LRRK1: variants seen among roughly 807,000 people sequenced by gnomAD.
LRRK1 encodes the protein leucine-rich repeat serine/threonine-protein kinase 1.
A neutral mutation model predicts 209.1 loss-of-function variants in LRRK1; 113 were observed. The ratio of observed to expected loss-of-function variants is 0.54; its 90% CI spans 0.46 to 0.63. The LOEUF (loss-of-function observed/expected upper bound fraction) is 0.63. Ranked by LOEUF, LRRK1 falls within the 30% of genes least tolerant of loss-of-function variation. The pLI is 0.00. For missense variants in LRRK1, 2,284 were observed against 2,632.2 expected (o/e 0.87, Z 2.89); for synonymous variants, 1,144 against 1,099.7 (o/e 1.04, Z -0.80).
At position 100,951,955 on chromosome 15, in the gene LRRK1, G is replaced by GAAA. The variant is rs550237148; in HGVS notation, c.98-21840_98-21838dup. On this transcript the variant is annotated intron_variant, in intron 2 of 33. Transcript: ENST00000388948. ...GCAACAAGAGCGAAACTCCATCTCA[G>GAAA]AAAAAAAAAAATAATAATAATAATA... 9.6e-3 allele frequency among the ~76,000 whole-genome samples: 1,300 copies of GAAA among 135,132 alleles called. 15 individuals are homozygous for GAAA. Among genetic ancestry groups the GAAA allele is most frequent in the South Asian group, 0.02 (87 of 4,274 alleles). 88.7% of individuals were successfully genotyped at this position (135,132 alleles called of 152,430 possible). A position where few individuals can be genotyped will look rare whatever the true frequency, so the allele number is the denominator to read the frequency against.
rs776094214 is a variant in LRRK1, at chr15:100,924,670, G to T, written c.38G>T (p.Trp13Leu). 11 of 1,614,172 alleles carry T rather than the reference G, an allele frequency of 6.8e-6. No individual in the cohort carries two copies. Among genetic ancestry groups the T allele is most frequent in the South Asian group, 2.2e-5 (2 of 91,076 alleles). Reference protein sequence around the residue: ...GMSQRPPSMYWCVGPEESAVC... With the variant: ...GMSQRPPSMYLCVGPEESAVC... ...TCGCAAAGACCCCCCAGCATGTACTGGTGTGTGGGGCCGGAGGAGTCAGCT... is the reference window on the plus strand; with the variant it reads ...TCGCAAAGACCCCCCAGCATGTACTTGTGTGTGGGGCCGGAGGAGTCAGCT... Residue 13 changes from tryptophan (W) to leucine (L), a missense_variant, in exon 2 of 34, where the codon TGG becomes TTG. Trp to Leu is a moderately conservative substitution (Grantham distance 61). Around this residue, in one of 6 missense-constraint regions of LRRK1, gnomAD observed 174 missense variants for 133.5 expected, o/e 1.30. Coordinates refer to ENST00000388948, the MANE Select transcript of LRRK1 (RefSeq NM_024652.6).
At position 101,065,871 on chromosome 15, in the gene LRRK1, T is replaced by C. The variant is rs768906258; in HGVS notation, c.5434T>C (p.Ser1812Pro). 4 of 1,614,114 alleles carry C rather than the reference T, an allele frequency of 2.5e-6. No individual in the cohort carries two copies. The Admixed American group carries it at 6.7e-5, about 27-fold the overall frequency. ...CAACCCAAAGGTGCCTGAGGGGGAC[T>C]CCATCGCGGACGTGAGCATCATGTA... Reference protein sequence around the residue: ...TANPKVPEGDSIADVSIMYSE... With the variant: ...TANPKVPEGDPIADVSIMYSE... The change falls in exon 32 of 34, where the codon TCC (serine) becomes CCC (proline). Residue 1812 changes from serine to proline, a missense_variant. This residue lies in a region of LRRK1 where 643 missense variants were observed against 695.9 expected (regional missense o/e 0.92). Transcript: ENST00000388948.
intron 2 of LRRK1, among the ~76,000 whole-genome samples, chr15:100,944,301 C>G (rs1249260676): frequency 3.3e-5 from 5 of 152,182 alleles, no homozygotes; most frequent in African/African-American, 1.2e-4. Context: ...ACAACCACAG[C>G]GCAGCATTGA....
At chr15:101,034,327 G>C (rs1201986453) in intron 20 of LRRK1, among the ~76,000 whole-genome samples, 4 of 152,080 alleles carry the variant, frequency 2.6e-5, no homozygotes, top group African/African-American at 9.7e-5. Context: ...TAAAACCTTT[G>C]CCTAGACCAA....
intron 2 of LRRK1, among the ~76,000 whole-genome samples, chr15:100,941,279 CGTGTGTGTGTCTGTGTGTGTCTAT>C (rs1206466029): frequency 7.2e-5 from 2 of 27,860 alleles, no homozygotes; most frequent in Non-Finnish European, 1.5e-4. Flanking sequence ...TGTGTGTGTC[CGTGTGTGTGTCTGTGTGTGTCTAT>C]GTGTGTGTGT....
Position 100,919,603 on chromosome 15 carries a change from C to G in LRRK1, c.-123+152C>G, listed in dbSNP as rs1007519002. ...CTCCGGGCGGCCGCGTGGTCGGGCACGGGGGGCCGTTGCGCAGGGGCCGCG... is the reference window on the plus strand; with the variant it reads ...CTCCGGGCGGCCGCGTGGTCGGGCAGGGGGGGCCGTTGCGCAGGGGCCGCG... On this transcript the variant is annotated intron_variant, in intron 1 of 33. Coordinates refer to ENST00000388948, the MANE Select transcript of LRRK1 (RefSeq NM_024652.6). This position sits in a 1 kb window ranked among gnomAD's most constrained non-coding sequence, Gnocchi z 5.8. Among the ~76,000 whole-genome samples the G allele has an allele frequency of 6.7e-5, 10 of 148,766 alleles. No individual in the cohort carries two copies. Among genetic ancestry groups the G allele is most frequent in the East Asian group, 6.0e-4 (3 of 4,976 alleles).
rs757510968 is a variant in LRRK1 at position 101,010,717 on chromosome 15, A to T, written c.1161A>T (p.Ile387=). The T allele has an allele frequency of 3.1e-6, 5 of 1,612,210 alleles. No homozygotes were observed. In the South Asian group the frequency reaches 5.5e-5, roughly 18 times the overall value. Residue 387 remains isoleucine (I), a synonymous_variant, in exon 9 of 34, where the codon ATA becomes ATT. Transcript: ENST00000388948. ...TACGGAAGCTACAGGAACTTGATAT[A>T]TCTGACAATAAATTGACAGAACTCC... The part of the protein sequence containing the change: ...IGLRKLQELD[I]SDNKLTELPA...
In LRRK1 at chr15:100,934,279, C is replaced by G. The variant is rs190149777; in HGVS notation, c.97+9550C>G. ...AATGCTGGCAGAAAAATATTTTTCA[C>G]TGGCACTTATTTTTGAAGTTCTTTT... On this transcript the variant is annotated intron_variant, in intron 2 of 33. Transcript: ENST00000388948. Among the ~76,000 whole-genome samples the G allele has an allele frequency of 3.1e-3, 473 of 152,308 alleles. 3 individuals are homozygous for G. Among genetic ancestry groups the G allele is most frequent in the African/African-American group, 8.3e-3 (345 of 41,570 alleles).
Position 101,052,970 on chromosome 15 carries a change from C to T in LRRK1, c.3738C>T (p.Ser1246=), listed in dbSNP as rs760405163. Residue 1246 remains serine (S), a synonymous_variant, in exon 25 of 34, where the codon AGC becomes AGT. Coordinates refer to ENST00000388948, the MANE Select transcript of LRRK1 (RefSeq NM_024652.6). ...SKLEHSEDEG[S]VLGQGGSGTV... Reference sequence around the variant, plus strand: ...TGGAGCACAGCGAGGACGAGGGCAGCGTCCTGGGCCAGGGCGGCAGTGGCA... The same window carrying T: ...TGGAGCACAGCGAGGACGAGGGCAGTGTCCTGGGCCAGGGCGGCAGTGGCA... 8.7e-6 allele frequency: 14 copies of T among 1,611,992 alleles called. No individual in the cohort carries two copies. In the East Asian group the frequency reaches 2.2e-4, roughly 26 times the overall value.
At chr15:100,972,363 A>AGAGAGAGAGAGAGTGTGT (rs1176201849) in intron 2 of LRRK1, among the ~76,000 whole-genome samples, 4 of 98,474 alleles carry the variant, frequency 4.1e-5, no homozygotes, top group Non-Finnish European at 7.6e-5. Context: ...AGAGAGAGAG[A>AGAGAGAGAGAGAGTGTGT]GTGTGTGTGT....
chr15:100,989,863 G>T (rs1234531155), intron 6 of LRRK1, among the ~76,000 whole-genome samples: 1 of 150,912 alleles, frequency 6.6e-6, no homozygotes, highest in African/African-American at 2.4e-5. Context: ...TTTTTTGGTT[G>T]TTTTTTTTCT....
At chr15:100,961,863 A>C (rs1247038835) in intron 2 of LRRK1, among the ~76,000 whole-genome samples, 3 of 152,210 alleles carry the variant, frequency 2.0e-5, no homozygotes, top group African/African-American at 7.2e-5. Flanking sequence ...AGTCAAATGC[A>C]CGCAGGACAC....
At chr15:101,012,184 T>C (rs1488184757) in intron 10 of LRRK1, 39 bp downstream of exon 10, 1 of 1,552,234 alleles carries the variant, frequency 6.4e-7, no homozygotes, top group Non-Finnish European at 8.7e-7. Context: ...TTTCGGCTTT[T>C]GAGAGAAAAT....
At chr15:101,065,037 C>T in intron 31 of LRRK1, 1 of 409,810 alleles carries the variant, frequency 2.4e-6, no homozygotes, top group South Asian at 3.1e-5. Context: ...GCTCGCCCTG[C>T]AAGAAGCTGG....
At chr15:100,932,055 G>A (rs548694267) in intron 2 of LRRK1, among the ~76,000 whole-genome samples, 6 of 152,154 alleles carry the variant, frequency 3.9e-5, no homozygotes, top group Non-Finnish European at 5.9e-5. Flanking sequence ...GCGCAACCTC[G>A]GCTCACTGCA....
At position 101,009,054 on chromosome 15, in the gene LRRK1, T is replaced by C; in HGVS notation, c.980T>C (p.Ile327Thr). 1 of 1,613,882 alleles carries C rather than the reference T, an allele frequency of 6.2e-7. No homozygotes were observed. The highest frequency in any genetic ancestry group is 8.5e-7 in the Non-Finnish European group (1 of 1,179,768). ...LPGVQSSDEI[I>T]CSRLLEIDIS... is the part of the protein sequence containing the mutation. ...GGCGTGCAGTCATCGGACGAAATCA[T>C]CTGTTCCAGGTGGCTCCCCGGGGTG... The change falls in exon 7 of 34, where the codon ATC (isoleucine) becomes ACC (threonine). Residue 327 changes from isoleucine to threonine, a missense_variant. Transcript: ENST00000388948.
chr15:101,048,463 A>G (rs1225594001), intron 21 of LRRK1, 31 bp from the exon 22 acceptor site: 1 of 1,591,990 alleles, frequency 6.3e-7, no homozygotes, highest in Admixed American at 1.8e-5. Flanking sequence ...AGCCCAGAAT[A>G]CTTAAGCAGG....
chr15:101,067,421 ATGTGTGTGTGTGTGTGTGTGTGTGTGTG>A (rs57333844), intron 33 of LRRK1: 122 of 297,168 alleles, frequency 4.1e-4, no homozygotes, highest in Non-Finnish European at 7.0e-4. Flanking sequence ...CTCAGTTCAA[ATGTGTGTGTGTGTGTGTGTGTGTGTGTG>A]TGTGTGTGTG....
At chr15:100,980,505 T>A (rs186841057) in intron 3 of LRRK1, among the ~76,000 whole-genome samples, 2 of 152,254 alleles carry the variant, frequency 1.3e-5, no homozygotes, top group East Asian at 3.9e-4. Context: ...CGTATCTTGA[T>A]TGTGGTAGTG....
Sources: allele counts gnomAD v4.1 joint callset (sites outside exome capture counted in the v4.1 genomes callset), GRCh38; gene constraint gnomAD v4.1.1; regional missense constraint gnomAD v4.1.1; non-coding constraint Gnocchi (gnomAD v3.1); transcripts MANE v1.5; gene names NCBI Gene and HGNC (gene_info 2026-07-23, HGNC 2026-07-21).